MYO18B: variants seen among roughly 807,000 people sequenced by gnomAD.
MYO18B encodes unconventional myosin-XVIIIb.
Under a neutral mutation model 273.0 loss-of-function variants are expected in MYO18B, and 204 were observed. The ratio of observed to expected loss-of-function variants is 0.75; its 90% CI spans 0.67 to 0.84. MYO18B has a LOEUF of 0.84. Ranked by LOEUF, MYO18B falls within the 40% of genes least tolerant of loss-of-function variation. MYO18B has a pLI of 0.00. For synonymous variants in MYO18B, 1,330 were observed against 1,305.7 expected (o/e 1.02, Z -0.40); for missense variants, 3,212 against 3,287.6 (o/e 0.98, Z 0.56).
At chr22:25,954,410 C>T (rs1601676561) in intron 38 of MYO18B, among the ~76,000 whole-genome samples, 1 of 151,728 alleles carries the variant, frequency 6.6e-6, no homozygotes, top group Admixed American at 6.6e-5. Context: ...CTTCATTGCA[C>T]CAGCCCCTCG....
intron 34 of MYO18B, among the ~76,000 whole-genome samples, chr22:25,927,129 T>G (rs2092432694): frequency 6.6e-6 from 1 of 152,172 alleles, no homozygotes; most frequent in Non-Finnish European, 1.5e-5. Context: ...CATGTGTGCT[T>G]GAGCAATATG....
intron 39 of MYO18B, among the ~76,000 whole-genome samples, chr22:25,958,496 G>T (rs886918516): frequency 3.3e-5 from 5 of 152,312 alleles, no homozygotes; most frequent in African/African-American, 1.2e-4. Flanking sequence ...GCTCTGGGAA[G>T]TTTCCACTGG....
the MYO18B span, among the ~76,000 whole-genome samples, chr22:26,047,275 C>T: frequency 5.9e-5 from 9 of 151,998 alleles, no homozygotes; most frequent in Non-Finnish European, 8.8e-5. Context: ...TACAGGCACC[C>T]GCCACCATGC....
At chr22:25,791,812 G>T (rs1328018200) in intron 11 of MYO18B, among the ~76,000 whole-genome samples, 1 of 152,170 alleles carries the variant, frequency 6.6e-6, no homozygotes, top group Non-Finnish European at 1.5e-5. Flanking sequence ...CCAGGAGCTT[G>T]CTTTTACTTA....
intron 1 of MYO18B, among the ~76,000 whole-genome samples, chr22:25,748,436 A>G (rs1482915459): frequency 6.6e-6 from 1 of 152,206 alleles, no homozygotes; most frequent in Non-Finnish European, 1.5e-5. Flanking sequence ...TCCAAGGAAG[A>G]AACACAATTA....
At chr22:26,060,256 G>A in the MYO18B span, among the ~76,000 whole-genome samples, 235 of 152,340 alleles carry the variant, frequency 1.5e-3, no homozygotes, top group African/African-American at 5.3e-3. Flanking sequence ...CAGAAGATTT[G>A]AGTAGCTGCA....
chr22:25,964,348 A>T (rs1243722769), intron 39 of MYO18B: 1 of 152,240 alleles, frequency 6.6e-6, no homozygotes, highest in Non-Finnish European at 1.5e-5. Flanking sequence ...AAATCCAGAC[A>T]GGTGAAGCAA....
intron 22 of MYO18B, among the ~76,000 whole-genome samples, chr22:25,870,096 A>T (rs1309112684): frequency 1.3e-5 from 2 of 152,238 alleles, no homozygotes; most frequent in Non-Finnish European, 2.9e-5. Context: ...CCTCTTTTCA[A>T]GATCCTATCT....
intron 40 of MYO18B, among the ~76,000 whole-genome samples, chr22:25,999,577 C>T (rs1466202644): frequency 5.3e-5 from 6 of 113,052 alleles, no homozygotes; most frequent in African/African-American, 1.8e-4. Context: ...TCCTCTTCCC[C>T]CTCCTCCTCC....
intron 40 of MYO18B, among the ~76,000 whole-genome samples, chr22:25,997,856 C>G (rs1933458029): frequency 6.6e-6 from 1 of 151,618 alleles, no homozygotes; most frequent in Non-Finnish European, 1.5e-5. Flanking sequence ...TGGATTAGAG[C>G]CTGAGGGACT....
intron 18 of MYO18B, among the ~76,000 whole-genome samples, chr22:25,845,505 G>T (rs1359308750): frequency 6.6e-6 from 1 of 152,104 alleles, no homozygotes; most frequent in Non-Finnish European, 1.5e-5. Flanking sequence ...GACAGAGCAA[G>T]ACTCCATCTC....
chr22:25,962,798 G>C (rs914126625), intron 39 of MYO18B, among the ~76,000 whole-genome samples: 9 of 152,174 alleles, frequency 5.9e-5, no homozygotes, highest in Non-Finnish European at 1.2e-4. Flanking sequence ...GGCAGCTTTG[G>C]GGGAGCAGTG....
rs894036780 is a variant in MYO18B, at chr22:25,793,425, C to T, written c.2377-4528C>T. On this transcript the variant is annotated intron_variant, in intron 11 of 43. Transcript: ENST00000335473. ...AATTTTTATATATTTTTTATAGATACGAGAGGTCTTGCTATGTTGCCCAGG... is the reference window on the plus strand; with the variant it reads ...AATTTTTATATATTTTTTATAGATATGAGAGGTCTTGCTATGTTGCCCAGG... Among the ~76,000 whole-genome samples, 7 of 152,034 alleles carry T rather than the reference C, an allele frequency of 4.6e-5. 1 individual carries two copies. The highest frequency in any genetic ancestry group is 7.3e-5 in the African/African-American group (3 of 41,372).
chr22:25,768,579 TGGGGACCCA>T lies in MYO18B; in HGVS notation c.666_674del (p.Asp223_Gly225del). The T allele has an allele frequency of 6.5e-7, 1 of 1,530,126 alleles. No homozygotes were observed. The highest frequency in any genetic ancestry group is 1.4e-5 in the African/African-American group (1 of 71,694). 94.8% of individuals were successfully genotyped at this position (1,530,126 alleles called of 1,614,324 possible). A position where few individuals can be genotyped will look rare whatever the true frequency, so the allele number is the denominator to read the frequency against. ...CTGAGAAGACCCGGACTGGGGGTCTTGGGGACCCAGGCCAAGGAACTGTGGCACTGAAAA... is the reference window on the plus strand; with the variant it reads ...CTGAGAAGACCCGGACTGGGGGTCTTGGCCAAGGAACTGTGGCACTGAAAA... On this transcript the variant is annotated inframe_deletion, in exon 4 of 44. Coordinates refer to ENST00000335473, the MANE Select transcript of MYO18B (RefSeq NM_032608.7).
chr22:25,814,337 T>TTTC (rs2088908429), intron 12 of MYO18B, among the ~76,000 whole-genome samples: 1 of 98,846 alleles, frequency 1.0e-5, no homozygotes, highest in Non-Finnish European at 2.0e-5. Flanking sequence ...TTTTTTTTTT[T>TTTC]GAGACAGAGT....
In MYO18B at chr22:25,949,231, G is replaced by A. The variant is rs60764637; in HGVS notation, c.5749-1136G>A. On this transcript the variant is annotated intron_variant, in intron 36 of 43. Transcript: ENST00000335473. ...ACTCTCCTCTGCCTTGTCCAGTGCT[G>A]TATTCAGAGCCAAGAAGGGTGTCTG... 3.8e-3 allele frequency among the ~76,000 whole-genome samples: 574 copies of A among 152,334 alleles called. 5 individuals are homozygous for A. Among genetic ancestry groups the A allele is most frequent in the African/African-American group, 0.012 (501 of 41,570 alleles).
chr22:25,987,466 G>GAT (rs1228029737), intron 39 of MYO18B, among the ~76,000 whole-genome samples: 5 of 151,870 alleles, frequency 3.3e-5, no homozygotes, highest in Admixed American at 2.0e-4. Flanking sequence ...CTGTATACAC[G>GAT]ATATATATAT....
At chr22:25,960,323 CG>C (rs1361650568) in intron 39 of MYO18B, among the ~76,000 whole-genome samples, 1 of 152,106 alleles carries the variant, frequency 6.6e-6, no homozygotes, top group Non-Finnish European at 1.5e-5. Context: ...TTACAGGGCC[CG>C]GGGGAACCAC....
Position 25,955,379 on chromosome 22 carries a change from C to T in MYO18B, c.6156+15C>T. 1 of 1,595,982 alleles carries T rather than the reference C, an allele frequency of 6.3e-7. No homozygotes were observed. On this transcript the variant is annotated intron_variant, in intron 39 of 43. Coordinates refer to ENST00000335473, the MANE Select transcript of MYO18B (RefSeq NM_032608.7). ...GCATGGAGCTGGTGAGTCCTGTCCC[C>T]ATCATGGGCTCTTAGCGACTGAGGG...
Sources: allele counts gnomAD v4.1 joint callset (sites outside exome capture counted in the v4.1 genomes callset), GRCh38; gene constraint gnomAD v4.1.1; transcripts MANE v1.5; gene names NCBI Gene and HGNC (gene_info 2026-07-23, HGNC 2026-07-21).